The following APBB1IP variants were observed in gnomAD, a reference collection of about 807,000 sequenced individuals.
APBB1IP encodes the protein amyloid beta precursor protein binding family B member 1 interacting protein.
Under a neutral mutation model 64.9 loss-of-function variants are expected in APBB1IP, and 27 were observed. That is an observed-to-expected ratio of 0.42 (90% CI 0.31 to 0.57). The LOEUF is 0.57. Among genes scored for constraint, APBB1IP ranks in the 20% least tolerant of loss-of-function variants. The pLI, the probability that APBB1IP is intolerant of heterozygous loss-of-function variation, is 0.20. For missense variants in APBB1IP, 812 were observed against 845.5 expected (o/e 0.96, Z 0.49); for synonymous variants, 392 against 331.0 (o/e 1.18, Z -2.00).
rs56982662 is a variant in APBB1IP at position 26,524,955 on chromosome 10, CT to C, written c.814-8465del. Among the ~76,000 whole-genome samples, 51 of 73,956 alleles carry C rather than the reference CT, an allele frequency of 6.9e-4. 1 individual carries two copies. Among genetic ancestry groups the C allele is most frequent in the Middle Eastern group, 7.8e-3 (1 of 128 alleles). The allele number at this position is 73,956 out of a possible 152,430, so 48.5% of individuals were successfully genotyped here. On this transcript the variant is annotated intron_variant, in intron 8 of 14. Coordinates refer to ENST00000376236, the MANE Select transcript of APBB1IP (RefSeq NM_019043.4). ...TCTTTTTCTTTCTCTTTCTTTCTTTCTTTTTTTTTTTTTTTTTTTATAAAAA... is the reference window on the plus strand; with the variant it reads ...TCTTTTTCTTTCTCTTTCTTTCTTTCTTTTTTTTTTTTTTTTTTATAAAAA...
intron 11 of APBB1IP, among the ~76,000 whole-genome samples, chr10:26,550,040 C>CT (rs902040945): frequency 6.0e-5 from 9 of 150,506 alleles, no homozygotes; most frequent in East Asian, 5.9e-4. Context: ...TTTTTTTAAT[C>CT]TTTTTTTTAA....
chr10:26,533,413 A>C, intron 8 of APBB1IP, 26 bp from the exon 9 acceptor site: 6 of 1,451,080 alleles, frequency 4.1e-6, no homozygotes, highest in Non-Finnish European at 5.7e-6. Flanking sequence ...ACACTTACTG[A>C]TCTGATCTTT....
chr10:26,544,277 C>G (rs1836733558), intron 11 of APBB1IP, among the ~76,000 whole-genome samples: 2 of 152,222 alleles, frequency 1.3e-5, no homozygotes, highest in Non-Finnish European at 2.9e-5. Flanking sequence ...GACTTGTCCA[C>G]ACTTCTTAAA....
At chr10:26,492,294 G>A (rs1478037328) in intron 2 of APBB1IP, 33 bp from the exon 3 acceptor site, 7 of 1,594,432 alleles carry the variant, frequency 4.4e-6, no homozygotes, top group Non-Finnish European at 5.2e-6. Context: ...GCTTTTATGA[G>A]ACTGCTAATA....
chr10:26,543,101 G>A (rs887834628), intron 11 of APBB1IP, among the ~76,000 whole-genome samples: 3 of 151,254 alleles, frequency 2.0e-5, no homozygotes, highest in Non-Finnish European at 4.4e-5. Context: ...CCAGAATAAT[G>A]ACTGTGAAAG....
At chr10:26,514,443 T>C (rs537286081) in intron 8 of APBB1IP, among the ~76,000 whole-genome samples, 1 of 152,356 alleles carries the variant, frequency 6.6e-6, no homozygotes, top group South Asian at 2.1e-4. Flanking sequence ...TTTGTGCAAG[T>C]AAAAAGCATA....
In APBB1IP at chr10:26,567,148, T is replaced by TGCCGCCGCCGCC; in HGVS notation, c.1662_1673dup (p.Pro559_Pro562dup). ...TTGCCCGCCCCACCCGACGACTTCCTGCCGCCGCCGCCACCGCCGCCGCCC... is the reference window on the plus strand; with the variant it reads ...TTGCCCGCCCCACCCGACGACTTCCTGCCGCCGCCGCCGCCGCCGCCGCCACCGCCGCCGCCC... On this transcript the variant is annotated inframe_insertion, in exon 15 of 15. Coordinates refer to ENST00000376236, the MANE Select transcript of APBB1IP (RefSeq NM_019043.4). 4 of 1,414,992 alleles carry TGCCGCCGCCGCC rather than the reference T, an allele frequency of 2.8e-6. No individual in the cohort carries two copies. The East Asian group carries it at 1.3e-4, about 45-fold the overall frequency. The allele number at this position is 1,414,992 out of a possible 1,614,324, so 87.7% of individuals were successfully genotyped here.
chr10:26,553,115 A>G (rs942732789), intron 11 of APBB1IP, among the ~76,000 whole-genome samples: 1 of 151,764 alleles, frequency 6.6e-6, no homozygotes, highest in African/African-American at 2.4e-5. Context: ...TCCGCCTCCC[A>G]GGTTCAAGCA....
At chr10:26,477,896 A>AGAGGGCTC in intron 2 of APBB1IP, among the ~76,000 whole-genome samples, 1 of 152,160 alleles carries the variant, frequency 6.6e-6, no homozygotes, top group Non-Finnish European at 1.5e-5. Context: ...CTAACTTTTT[A>AGAGGGCTC]AAATTTTTTG....
chr10:26,545,111 A>G (rs899545924), intron 11 of APBB1IP, among the ~76,000 whole-genome samples: 1 of 152,170 alleles, frequency 6.6e-6, no homozygotes, highest in African/African-American at 2.4e-5. Context: ...TCCCTCCCAA[A>G]ATATTGAGAA....
intron 11 of APBB1IP, among the ~76,000 whole-genome samples, chr10:26,549,185 A>G (rs1836801950): frequency 6.6e-6 from 1 of 152,202 alleles, no homozygotes; most frequent in African/African-American, 2.4e-5. Flanking sequence ...CCACTTGATC[A>G]TGATGAATGG....
At chr10:26,512,906 A>G (rs1261486026) in intron 7 of APBB1IP, among the ~76,000 whole-genome samples, 1 of 152,148 alleles carries the variant, frequency 6.6e-6, no homozygotes, top group African/African-American at 2.4e-5. Context: ...TTTCTCTTCA[A>G]TTCTGTGAGT....
intron 2 of APBB1IP, among the ~76,000 whole-genome samples, chr10:26,439,060 C>T (rs1835311428): frequency 6.6e-6 from 1 of 152,238 alleles, no homozygotes; most frequent in East Asian, 1.9e-4. Context: ...GGACCCGGCT[C>T]GCGAGGGTGG....
chr10:26,510,914 G>T (rs1283896681), intron 6 of APBB1IP, among the ~76,000 whole-genome samples: 1 of 152,006 alleles, frequency 6.6e-6, no homozygotes, highest in Non-Finnish European at 1.5e-5. Flanking sequence ...CAGTGATACC[G>T]TGTTAACATA....
At chr10:26,552,185 C>G (rs1342768630) in intron 11 of APBB1IP, among the ~76,000 whole-genome samples, 1 of 152,090 alleles carries the variant, frequency 6.6e-6, no homozygotes, top group African/African-American at 2.4e-5. Flanking sequence ...CCTATAGTTC[C>G]CACTACTCAG....
intron 8 of APBB1IP, among the ~76,000 whole-genome samples, chr10:26,515,074 G>T (rs1016708609): frequency 4.0e-5 from 6 of 150,390 alleles, no homozygotes; most frequent in Non-Finnish European, 8.9e-5. Context: ...GTAGAGATGG[G>T]GTTTCACCGT....
At chr10:26,471,545 T>G (rs1459378544) in intron 2 of APBB1IP, among the ~76,000 whole-genome samples, 1 of 152,188 alleles carries the variant, frequency 6.6e-6, no homozygotes, top group South Asian at 2.1e-4. Context: ...GTAGCTCAGA[T>G]TCTTCTGATA....
chr10:26,473,564 G>A (rs1482560605), intron 2 of APBB1IP, among the ~76,000 whole-genome samples: 1 of 152,194 alleles, frequency 6.6e-6, no homozygotes, highest in Non-Finnish European at 1.5e-5. Flanking sequence ...TAACTCAACT[G>A]AATGACAATT....
chr10:26,508,519 T>G (rs1244283057), intron 6 of APBB1IP, among the ~76,000 whole-genome samples: 3 of 152,072 alleles, frequency 2.0e-5, no homozygotes, highest in Admixed American at 6.5e-5. Flanking sequence ...AAATCTTTAA[T>G]AGATCATTTA....
Sources: allele counts gnomAD v4.1 joint callset (sites outside exome capture counted in the v4.1 genomes callset), GRCh38; gene constraint gnomAD v4.1.1; transcripts MANE v1.5; gene names NCBI Gene and HGNC (gene_info 2026-07-23, HGNC 2026-07-21).